PTGIS: variants seen among roughly 807,000 people sequenced by gnomAD.
The protein encoded by PTGIS is prostacyclin synthase.
In PTGIS, 45 loss-of-function variants were observed where a neutral mutation model predicts 50.3. The observed-to-expected ratio is 0.90, with a 90% CI of 0.70 to 1.15. The LOEUF is 1.15. Ranked by LOEUF, PTGIS falls within the 50% of genes most tolerant of loss-of-function variation. The pLI is 0.00. For synonymous variants in PTGIS, 260 were observed against 267.7 expected (o/e 0.97, Z 0.28); for missense variants, 668 against 661.3 (o/e 1.01, Z -0.11).
intron 1 of PTGIS, among the ~76,000 whole-genome samples, chr20:49,565,570 T>A (rs920804621): frequency 8.6e-5 from 13 of 151,992 alleles, no homozygotes; most frequent in Admixed American, 7.9e-4. Context: ...GAGGCTAAGA[T>A]GAGAGGATCA....
At chr20:49,513,331 C>A in intron 7 of PTGIS, 70 bp from the exon 8 acceptor site, 1 of 1,526,180 alleles carries the variant, frequency 6.6e-7, no homozygotes, top group Non-Finnish European at 8.9e-7. Flanking sequence ...AACCCCAGCT[C>A]TTATTTTACA....
chr20:49,564,011 T>C (rs1266306442), intron 1 of PTGIS, among the ~76,000 whole-genome samples: 1 of 152,194 alleles, frequency 6.6e-6, no homozygotes, highest in Non-Finnish European at 1.5e-5. Flanking sequence ...CTTCTGATAC[T>C]CACAAGGCAA....
chr20:49,561,688 C>G (rs1245694199), intron 1 of PTGIS, among the ~76,000 whole-genome samples: 1 of 152,190 alleles, frequency 6.6e-6, no homozygotes, highest in Non-Finnish European at 1.5e-5. Flanking sequence ...TTCTTGCTGG[C>G]TGTGTGACTT....
At chr20:49,562,197 T>C (rs1010031418) in intron 1 of PTGIS, among the ~76,000 whole-genome samples, 12 of 152,086 alleles carry the variant, frequency 7.9e-5, no homozygotes, top group African/African-American at 2.4e-4. Flanking sequence ...AAGTGGGCAT[T>C]TTCACCTCCA....
chr20:49,513,107 T>G lies in PTGIS; in HGVS notation c.1179A>C (p.Arg393Ser). 1 of 1,609,730 alleles carries G rather than the reference T, an allele frequency of 6.2e-7. No homozygotes were observed. The highest frequency in any genetic ancestry group is 1.7e-5 in the Admixed American group (1 of 59,660). The change falls in exon 8 of 10, where the codon AGA (arginine) becomes AGC (serine). Residue 393 changes from arginine to serine, a missense_variant. Coordinates refer to ENST00000244043, the MANE Select transcript of PTGIS (RefSeq NM_000961.4). ...CTGGGTCTGTGTAGATTTCTGGGTC[T>G]CTCTGGGGGCTCAGGAAGGGGAAGA... ...LLLFPFLSPQRDPEIYTDPEV... is the reference protein window; with the variant it reads ...LLLFPFLSPQSDPEIYTDPEV...
Position 49,539,691 on chromosome 20 carries a change from C to G in PTGIS, c.552G>C (p.Glu184Asp), listed in dbSNP as rs747215784. 5 of 1,613,398 alleles carry G rather than the reference C, an allele frequency of 3.1e-6. No individual in the cohort carries two copies. Among genetic ancestry groups the G allele is most frequent in the Non-Finnish European group, 4.2e-6 (5 of 1,179,956 alleles). ...RAGYLTLYGI[E>D]ALPRTHESQA... ...GGCTTTCATGGGTGCGTGGCAGCGC[C>G]TCAATTCCGTAAAGAGTCAGGTAGC... Residue 184 changes from glutamate (E) to aspartate (D), a missense_variant, in exon 5 of 10, where the codon GAG becomes GAC. Transcript: ENST00000244043.
intron 1 of PTGIS, among the ~76,000 whole-genome samples, chr20:49,555,608 T>C (rs545509136): frequency 6.6e-6 from 1 of 152,340 alleles, no homozygotes; most frequent in Admixed American, 6.5e-5. Flanking sequence ...TATAAATGAG[T>C]ATGTGTTCCA....
intron 1 of PTGIS, among the ~76,000 whole-genome samples, chr20:49,552,167 A>G (rs1199263380): frequency 6.7e-6 from 1 of 150,092 alleles, no homozygotes; most frequent in African/African-American, 2.5e-5. Flanking sequence ...TTTTTTTTTT[A>G]TTAACTAAAA....
intron 6 of PTGIS, among the ~76,000 whole-genome samples, chr20:49,516,921 A>G (rs575838396): frequency 1.3e-5 from 2 of 152,352 alleles, no homozygotes; most frequent in East Asian, 3.9e-4. Context: ...GAGACCAGGT[A>G]GAGGTGGGTT....
At chr20:49,541,729 G>T (rs1982235249) in intron 4 of PTGIS, among the ~76,000 whole-genome samples, 2 of 151,928 alleles carry the variant, frequency 1.3e-5, no homozygotes, top group South Asian at 4.2e-4. Context: ...GCGAAACTTT[G>T]TCTTTAAAAT....
intron 9 of PTGIS, among the ~76,000 whole-genome samples, chr20:49,510,527 A>T (rs1160591691): frequency 3.3e-5 from 5 of 152,114 alleles, no homozygotes; most frequent in Non-Finnish European, 7.3e-5. Context: ...CAGGGGCTGG[A>T]CAGGAGGACA....
intron 3 of PTGIS, among the ~76,000 whole-genome samples, chr20:49,545,440 A>G (rs75110523): frequency 6.6e-6 from 1 of 151,852 alleles, no homozygotes. Context: ...AAAAGAAAAA[A>G]AAAAAAGACA....
intron 4 of PTGIS, among the ~76,000 whole-genome samples, chr20:49,542,500 A>G (rs942559105): frequency 6.6e-6 from 1 of 152,160 alleles, no homozygotes; most frequent in African/African-American, 2.4e-5. Context: ...CCGCTGTACC[A>G]TGGAGCCTAG....
At chr20:49,567,996 G>T (rs1370116369) in intron 1 of PTGIS, 47 bp downstream of exon 1, 1 of 1,450,168 alleles carries the variant, frequency 6.9e-7, no homozygotes, top group Non-Finnish European at 9.1e-7. Context: ...GCCCGGGCGG[G>T]AGCCGCCCCC....
intron 8 of PTGIS, among the ~76,000 whole-genome samples, chr20:49,511,918 T>C (rs934347118): frequency 6.6e-6 from 1 of 150,798 alleles, no homozygotes; most frequent in Non-Finnish European, 1.5e-5. Context: ...GGTAGATTGA[T>C]GGGTGGATGG....
At chr20:49,518,385 A>C (rs1981551992) in intron 6 of PTGIS, among the ~76,000 whole-genome samples, 1 of 151,584 alleles carries the variant, frequency 6.6e-6, no homozygotes, top group African/African-American at 2.4e-5. Flanking sequence ...AGTCTATTTA[A>C]AACAAACAAA....
chr20:49,557,838 C>T (rs1227840718), intron 1 of PTGIS, among the ~76,000 whole-genome samples: 1 of 152,116 alleles, frequency 6.6e-6, no homozygotes, highest in Non-Finnish European at 1.5e-5. Context: ...GACTATCGCC[C>T]TACCCGTTCC....
At chr20:49,565,602 C>A (rs1982877950) in intron 1 of PTGIS, among the ~76,000 whole-genome samples, 1 of 152,090 alleles carries the variant, frequency 6.6e-6, no homozygotes, top group African/African-American at 2.4e-5. Context: ...GAGTTCAAGG[C>A]TCCAGTAAGC....
At chr20:49,512,559 G>C (rs1981353479) in intron 8 of PTGIS, among the ~76,000 whole-genome samples, 1 of 152,178 alleles carries the variant, frequency 6.6e-6, no homozygotes, top group African/African-American at 2.4e-5. Flanking sequence ...GTAGTTTAGG[G>C]TCTGACACAC....
Sources: gnomAD v4.1 joint callset for allele counts (sites outside exome capture counted in the v4.1 genomes callset) on GRCh38, gnomAD v4.1.1 for gene constraint, MANE v1.5 for transcripts, NCBI Gene and HGNC (gene_info 2026-07-23, HGNC 2026-07-21) for gene names.